SAMD12: variants seen among roughly 807,000 people sequenced by gnomAD.
SAMD12 encodes the protein sterile alpha motif domain containing 12, also known as sterile alpha motif domain-containing protein 12.
Under a neutral mutation model 15.0 loss-of-function variants are expected in SAMD12, and 9 were observed. The observed-to-expected ratio is 0.60, with a 90% CI of 0.36 to 1.05. SAMD12 has a LOEUF of 1.05. Ranked by LOEUF, SAMD12 falls within the 50% of genes least tolerant of loss-of-function variation. The pLI, the probability that SAMD12 is intolerant of heterozygous loss-of-function variation, is 0.01. For synonymous variants in SAMD12, 86 were observed against 90.1 expected (o/e 0.96, Z 0.25); for missense variants, 230 against 234.2 (o/e 0.98, Z 0.12).
chr8:118,364,750 G>T (rs9643124), intron 4 of SAMD12, among the ~76,000 whole-genome samples: 3,511 of 152,220 alleles, frequency 0.023, 176 homozygotes, highest in East Asian at 0.17. Flanking sequence ...ATGAATTTGG[G>T]GGAGGAGAAT....
chr8:118,461,400 T>C (rs1823418906), intron 2 of SAMD12, among the ~76,000 whole-genome samples: 1 of 152,248 alleles, frequency 6.6e-6, no homozygotes, highest in Non-Finnish European at 1.5e-5. Context: ...AAATTATATA[T>C]GGTAATTCTT....
At chr8:118,394,712 G>A (rs1820461902) in intron 3 of SAMD12, 1 of 152,240 alleles carries the variant, frequency 6.6e-6, no homozygotes, top group African/African-American at 2.4e-5. Context: ...CCAGGCTAGT[G>A]ATGGTGCCAA....
intron 2 of SAMD12, among the ~76,000 whole-genome samples, chr8:118,459,517 G>A (rs1455651428): frequency 6.6e-6 from 1 of 152,154 alleles, no homozygotes; most frequent in East Asian, 1.9e-4. Flanking sequence ...ATGGACAGAA[G>A]GGTAGCATTA....
chr8:118,528,264 T>C (rs1235196973), intron 2 of SAMD12, among the ~76,000 whole-genome samples: 1 of 152,232 alleles, frequency 6.6e-6, no homozygotes, highest in Non-Finnish European at 1.5e-5. Flanking sequence ...ACTCCTGACC[T>C]CAGGTGATCT....
chr8:118,184,653 G>A (rs781036725), downstream of SAMD12, among the ~76,000 whole-genome samples: 2 of 152,050 alleles, frequency 1.3e-5, no homozygotes, highest in African/African-American at 4.8e-5. Flanking sequence ...CTGCCACCAT[G>A]CCTGGCTAAT....
chr8:118,301,557 G>C (rs1815026492), intron 4 of SAMD12, among the ~76,000 whole-genome samples: 1 of 152,190 alleles, frequency 6.6e-6, no homozygotes, highest in Non-Finnish European at 1.5e-5. Flanking sequence ...ATTAAGCGTT[G>C]TCTCTTAAAA....
intron 2 of SAMD12, among the ~76,000 whole-genome samples, chr8:118,471,939 C>G (rs1333009974): frequency 6.6e-6 from 1 of 152,200 alleles, no homozygotes; most frequent in African/African-American, 2.4e-5. Flanking sequence ...AGTTTCATTA[C>G]TTACTAGCTG....
intron 4 of SAMD12, among the ~76,000 whole-genome samples, chr8:118,289,299 A>G (rs1814229085): frequency 6.6e-6 from 1 of 152,150 alleles, no homozygotes; most frequent in Non-Finnish European, 1.5e-5. Flanking sequence ...AGGGCCAACT[A>G]ATATATCACA....
At chr8:118,381,260 C>A (rs1174758666) in intron 3 of SAMD12, among the ~76,000 whole-genome samples, 1 of 152,068 alleles carries the variant, frequency 6.6e-6, no homozygotes, top group Non-Finnish European at 1.5e-5. Flanking sequence ...TTCAGTGGAA[C>A]CTGCATTTGT....
At chr8:118,412,044 T>C (rs1821435139) in intron 3 of SAMD12, among the ~76,000 whole-genome samples, 1 of 152,150 alleles carries the variant, frequency 6.6e-6, no homozygotes. Flanking sequence ...AGCCTAAACA[T>C]TTACTATCTA....
intron 1 of SAMD12, among the ~76,000 whole-genome samples, chr8:118,600,353 G>T (rs1369796097): frequency 3.3e-5 from 5 of 152,114 alleles, no homozygotes; most frequent in African/African-American, 1.2e-4. Flanking sequence ...CCTAAATTAG[G>T]ACAAAGGTAA....
chr8:118,358,138 C>T (rs1818321211), intron 4 of SAMD12, among the ~76,000 whole-genome samples: 1 of 148,960 alleles, frequency 6.7e-6, no homozygotes, highest in African/African-American at 2.4e-5. Context: ...GAGCGAGGCC[C>T]TGTCTTCTGA....
At chr8:118,472,286 A>G (rs1371013941) in intron 2 of SAMD12, among the ~76,000 whole-genome samples, 1 of 138,948 alleles carries the variant, frequency 7.2e-6, no homozygotes, top group African/African-American at 2.6e-5. Flanking sequence ...GACTCCATCT[A>G]AAAAAAAAAA....
At chr8:118,235,497 T>A (rs957511138) in intron 4 of SAMD12, among the ~76,000 whole-genome samples, 3 of 151,238 alleles carry the variant, frequency 2.0e-5, no homozygotes, top group Non-Finnish European at 2.9e-5. Context: ...GCATGAGAAG[T>A]CTATTTTTAA....
At chr8:118,199,052 T>C (rs1052223006) in intron 4 of SAMD12, among the ~76,000 whole-genome samples, 1 of 152,172 alleles carries the variant, frequency 6.6e-6, no homozygotes, top group Admixed American at 6.5e-5. Flanking sequence ...ATTAAAATAA[T>C]ACTAATTATG....
chr8:118,313,589 C>A lies in SAMD12; in HGVS notation c.433+65971G>T, dbSNP rs560684969. On this transcript the variant is annotated intron_variant, in intron 4 of 4. Coordinates refer to the SAMD12 transcript ENST00000409003. ...CTATAGAAAGCATGCTATATTGGGA[C>A]CTTTCGGTATAGCAGACAGAATGTG... Among the ~76,000 whole-genome samples, 19 of 152,102 alleles carry A rather than the reference C, an allele frequency of 1.2e-4. No individual in the cohort carries two copies. In the South Asian group the frequency reaches 3.9e-3, roughly 32 times the overall value.
At chr8:118,395,456 GAATT>G (rs1259736704) in intron 3 of SAMD12, among the ~76,000 whole-genome samples, 2 of 152,054 alleles carry the variant, frequency 1.3e-5, no homozygotes, top group Non-Finnish European at 2.9e-5. Flanking sequence ...AAAATTTCAT[GAATT>G]ATTTAGAAAG....
At chr8:118,354,418 T>C (rs1286500107) in intron 4 of SAMD12, among the ~76,000 whole-genome samples, 2 of 152,164 alleles carry the variant, frequency 1.3e-5, no homozygotes, top group Non-Finnish European at 2.9e-5. Context: ...TTTTCCTTCC[T>C]CCCAGCCTTT....
intron 1 of SAMD12, among the ~76,000 whole-genome samples, chr8:118,593,275 G>C (rs890685639): frequency 5.9e-5 from 9 of 151,984 alleles, no homozygotes. Flanking sequence ...TGGTCCAAAG[G>C]CTAAAAGTAG....
Sources: gnomAD v4.1 joint callset for allele counts (sites outside exome capture counted in the v4.1 genomes callset) on GRCh38, gnomAD v4.1.1 for gene constraint, MANE v1.5 for transcripts, NCBI Gene and HGNC (gene_info 2026-07-23, HGNC 2026-07-21) for gene names.